The following RAB38 variants were observed in gnomAD, a reference collection of about 807,000 sequenced individuals.
RAB38 encodes ras-related protein Rab-38.
RAB38 carries 15 observed loss-of-function variants against 18.4 expected under a neutral mutation model. The observed-to-expected ratio is 0.82, with a 90% CI of 0.55 to 1.26. RAB38 has a LOEUF of 1.26. Ranked by LOEUF, RAB38 falls within the 50% of genes most tolerant of loss-of-function variation. The pLI, the probability that RAB38 is intolerant of heterozygous loss-of-function variation, is 0.00. For synonymous variants in RAB38, 101 were observed against 104.4 expected, an observed-to-expected ratio of 0.97 and a Z score of 0.20; for missense variants, 294 against 267.4, an observed-to-expected ratio of 1.10 and a Z score of -0.69.
chr11:87,919,121 C>A, the RAB38 span, among the ~76,000 whole-genome samples: 2 of 152,024 alleles, frequency 1.3e-5, no homozygotes, highest in Admixed American at 1.3e-4. Context: ...GACTGCCTTT[C>A]CTCCAGTGCA....
chr11:87,877,465 A>G, the RAB38 span, among the ~76,000 whole-genome samples: 102 of 151,454 alleles, frequency 6.7e-4, no homozygotes, highest in Non-Finnish European at 1.2e-3. Flanking sequence ...CACCCATGCT[A>G]TCTCCTTTGT....
chr11:87,945,657 C>T, the RAB38 span, among the ~76,000 whole-genome samples: 1 of 152,112 alleles, frequency 6.6e-6, no homozygotes, highest in Non-Finnish European at 1.5e-5. Flanking sequence ...GATGTCAGAG[C>T]TTAAAATGCC....
the RAB38 span, among the ~76,000 whole-genome samples, chr11:88,023,749 C>T: frequency 2.0e-5 from 3 of 152,098 alleles, no homozygotes; most frequent in Non-Finnish European, 4.4e-5. Flanking sequence ...TAAACACCTA[C>T]AGTAAACTCA....
At chr11:87,896,999 A>G in the RAB38 span, among the ~76,000 whole-genome samples, 3 of 151,686 alleles carry the variant, frequency 2.0e-5, no homozygotes, top group Non-Finnish European at 4.4e-5. Flanking sequence ...ACTAAAGCCA[A>G]TCTTACTGAT....
chr11:88,133,732 T>A (rs1565212758), intron 2 of RAB38, among the ~76,000 whole-genome samples: 1 of 152,188 alleles, frequency 6.6e-6, no homozygotes, highest in Admixed American at 6.5e-5. Flanking sequence ...ATAATCTGAC[T>A]TTTTTTCTTG....
chr11:87,820,024 A>G, the RAB38 span, among the ~76,000 whole-genome samples: 1 of 152,142 alleles, frequency 6.6e-6, no homozygotes, highest in Admixed American at 6.5e-5. Context: ...ATCCTAAAAA[A>G]TTCTGGATAA....
chr11:87,873,884 A>ATG, the RAB38 span, among the ~76,000 whole-genome samples: 1 of 140,448 alleles, frequency 7.1e-6, no homozygotes, highest in Non-Finnish European at 1.5e-5. Flanking sequence ...GTGTATATAT[A>ATG]TGTGTGTGTA....
the RAB38 span, among the ~76,000 whole-genome samples, chr11:88,069,045 T>G: frequency 6.6e-6 from 1 of 151,956 alleles, no homozygotes; most frequent in African/African-American, 2.4e-5. Context: ...CAGGGAGGTG[T>G]GGAGGGAGAG....
chr11:88,116,399 A>G (rs1942553300), intron 2 of RAB38, among the ~76,000 whole-genome samples: 2 of 152,338 alleles, frequency 1.3e-5, no homozygotes, highest in South Asian at 2.1e-4. Context: ...CCATTTGGCT[A>G]TTGTTTGTGT....
At chr11:88,073,749 TAA>T in the RAB38 span, among the ~76,000 whole-genome samples, 1 of 141,188 alleles carries the variant, frequency 7.1e-6, no homozygotes. Context: ...AAATAGTAGT[TAA>T]AAAAAAAAAC....
chr11:88,015,755 C>T, the RAB38 span, among the ~76,000 whole-genome samples: 945 of 152,184 alleles, frequency 6.2e-3, 6 homozygotes, highest in Non-Finnish European at 8.7e-3. Flanking sequence ...GCTCCTGGCT[C>T]GGTTAAAAAA....
chr11:88,167,326 T>G (rs1430314735), intron 1 of RAB38: 1 of 152,084 alleles, frequency 6.6e-6, no homozygotes, highest in Non-Finnish European at 1.5e-5. Flanking sequence ...TAAGACTGAA[T>G]GACAAATGAG....
the RAB38 span, among the ~76,000 whole-genome samples, chr11:87,937,803 A>T: frequency 1.4e-5 from 2 of 138,538 alleles, no homozygotes; most frequent in Non-Finnish European, 3.1e-5. Context: ...GGCAGTTTCT[A>T]TTGCTTGGCC....
At chr11:88,066,967 A>G in the RAB38 span, among the ~76,000 whole-genome samples, 1,200 of 152,290 alleles carry the variant, frequency 7.9e-3, 12 homozygotes, top group African/African-American at 0.028. Context: ...TTTCATTATA[A>G]ATTAGTTTTC....
chr11:87,874,866 A>G, the RAB38 span, among the ~76,000 whole-genome samples: 1 of 151,370 alleles, frequency 6.6e-6, no homozygotes, highest in Non-Finnish European at 1.5e-5. Flanking sequence ...AATTAATACA[A>G]CCATTGTGGG....
the RAB38 span, among the ~76,000 whole-genome samples, chr11:87,926,673 C>T: frequency 2.6e-5 from 4 of 152,028 alleles, no homozygotes; most frequent in Admixed American, 6.6e-5. Context: ...TGGCAGGTGA[C>T]AGTCTGGGGC....
the RAB38 span, among the ~76,000 whole-genome samples, chr11:88,102,444 T>C: frequency 1.1e-4 from 16 of 152,188 alleles, no homozygotes; most frequent in East Asian, 2.9e-3. Context: ...GGCAATACTT[T>C]CTTTTCATTG....
chr11:88,059,367 A>G, the RAB38 span, among the ~76,000 whole-genome samples: 4 of 152,204 alleles, frequency 2.6e-5, no homozygotes, highest in African/African-American at 9.7e-5. Context: ...GTATAATTCA[A>G]TACCTCTTGC....
the RAB38 span, among the ~76,000 whole-genome samples, chr11:87,886,824 G>GT: frequency 0.6 from 83,077 of 138,900 alleles, 26,692 homozygotes; most frequent in Non-Finnish European, 0.74. Flanking sequence ...TGAAGCACTT[G>GT]TTTTTTTTTT....
Sources: allele counts gnomAD v4.1 joint callset (sites outside exome capture counted in the v4.1 genomes callset), GRCh38; gene constraint gnomAD v4.1.1; transcripts MANE v1.5; gene names NCBI Gene and HGNC (gene_info 2026-07-23, HGNC 2026-07-21).